Variants in ASB3 observed in about 807,000 individuals in gnomAD.
The protein encoded by ASB3 is ankyrin repeat and SOCS box containing 3.
In ASB3, 41 loss-of-function variants were observed where a neutral mutation model predicts 54.5. That is an observed-to-expected ratio of 0.75 (90% CI 0.59 to 0.98). The LOEUF (loss-of-function observed/expected upper bound fraction) is 0.98, where lower values mean the gene tolerates loss of function less well. Among genes scored for constraint, ASB3 ranks in the 50% least tolerant of loss-of-function variants. The pLI is 0.00. For missense variants in ASB3, 733 were observed against 620.0 expected (o/e 1.18, Z -1.94); for synonymous variants, 266 against 221.2 (o/e 1.20, Z -1.80).
At chr2:53,760,233 C>T (rs1673069020) in intron 2 of ASB3, among the ~76,000 whole-genome samples, 1 of 152,146 alleles carries the variant, frequency 6.6e-6, no homozygotes, top group Non-Finnish European at 1.5e-5. Flanking sequence ...GTATGCTTAC[C>T]TAACTCTCCA....
chr2:53,723,055 T>A (rs1240847690), intron 5 of ASB3, among the ~76,000 whole-genome samples: 1 of 152,000 alleles, frequency 6.6e-6, no homozygotes, highest in Non-Finnish European at 1.5e-5. Flanking sequence ...ATGTTCAAGC[T>A]GACAGCCAAA....
At chr2:53,723,208 G>A (rs189015127) in intron 5 of ASB3, among the ~76,000 whole-genome samples, 1 of 152,090 alleles carries the variant, frequency 6.6e-6, no homozygotes, top group Admixed American at 6.5e-5. Flanking sequence ...CAAACAAACG[G>A]AAAACGCTGC....
chr2:53,774,363 T>G, intron 1 of ASB3: 1 of 1,613,492 alleles, frequency 6.2e-7, no homozygotes, highest in Non-Finnish European at 8.5e-7. Flanking sequence ...CTGAACAAAT[T>G]TTTAATGCAG....
At chr2:53,741,050 T>C (rs543339539) in intron 3 of ASB3, among the ~76,000 whole-genome samples, 1 of 152,306 alleles carries the variant, frequency 6.6e-6, no homozygotes, top group African/African-American at 2.4e-5. Context: ...GTATTCTCCT[T>C]ACTAGATCCA....
chr2:53,765,984 A>T (rs775548394), intron 1 of ASB3, among the ~76,000 whole-genome samples: 3 of 152,114 alleles, frequency 2.0e-5, no homozygotes, highest in Non-Finnish European at 4.4e-5. Flanking sequence ...TGTACACTAC[A>T]TTATGCAGAG....
At chr2:53,764,866 CTTGTT>C (rs1673348658) in intron 2 of ASB3, among the ~76,000 whole-genome samples, 1 of 152,146 alleles carries the variant, frequency 6.6e-6, no homozygotes, top group South Asian at 2.1e-4. Context: ...TTTAAATTAT[CTTGTT>C]TAATTATTTA....
At chr2:53,671,125 C>A (rs1667788942) in intron 9 of ASB3, among the ~76,000 whole-genome samples, 1 of 152,148 alleles carries the variant, frequency 6.6e-6, no homozygotes, top group African/African-American at 2.4e-5. Flanking sequence ...TTATCCATAA[C>A]ATAAAATGAA....
At chr2:53,677,125 G>C (rs1668123103) in intron 9 of ASB3, among the ~76,000 whole-genome samples, 1 of 152,142 alleles carries the variant, frequency 6.6e-6, no homozygotes, top group South Asian at 2.1e-4. Flanking sequence ...ACTTACCAAT[G>C]TGTTACAACT....
chr2:53,712,598 T>A (rs1456829758), intron 7 of ASB3, among the ~76,000 whole-genome samples: 1 of 152,096 alleles, frequency 6.6e-6, no homozygotes, highest in Non-Finnish European at 1.5e-5. Context: ...TGTTTCAGAG[T>A]TAACAGGGGT....
chr2:53,680,164 T>C lies in ASB3; in HGVS notation c.1370-9474A>G, dbSNP rs149351810. Among the ~76,000 whole-genome samples, 1,392 of 152,366 alleles carry C rather than the reference T, an allele frequency of 9.1e-3. 7 individuals carry two copies. Among genetic ancestry groups the C allele is most frequent in the Middle Eastern group, 0.027 (8 of 294 alleles). ...TACCACTGATGGGCATTTAGGTTGA[T>C]TCCATGTCTTTGTTACTGTGAATAG... On this transcript the variant is annotated intron_variant, in intron 9 of 9. Coordinates refer to ENST00000263634, the MANE Select transcript of ASB3 (RefSeq NM_016115.5).
At chr2:53,781,527 C>A (rs946493621) in intron 1 of ASB3, among the ~76,000 whole-genome samples, 7 of 151,832 alleles carry the variant, frequency 4.6e-5, no homozygotes, top group Non-Finnish European at 1.0e-4. Flanking sequence ...CAGAGTTTCA[C>A]TCTTGTTGCC....
At chr2:53,767,609 T>C (rs555111439) in intron 1 of ASB3, 1 of 398,336 alleles carries the variant, frequency 2.5e-6, no homozygotes, top group Admixed American at 3.8e-5. Context: ...GCACTAAAGG[T>C]AGGTTAGGGT....
chr2:53,756,173 A>G (rs1044791718), intron 2 of ASB3, among the ~76,000 whole-genome samples: 3 of 152,024 alleles, frequency 2.0e-5, no homozygotes, highest in Admixed American at 1.3e-4. Context: ...CTCTTTAAAA[A>G]AATTTTTTTA....
chr2:53,761,575 G>A (rs1178646858), intron 2 of ASB3, among the ~76,000 whole-genome samples: 1 of 152,116 alleles, frequency 6.6e-6, no homozygotes, highest in African/African-American at 2.4e-5. Flanking sequence ...TCAGTCCTTT[G>A]GCCTCAGACT....
At position 53,701,182 on chromosome 2, in the gene ASB3, C is replaced by T. The variant is rs143419142; in HGVS notation, c.981-654G>A. Among the ~76,000 whole-genome samples the T allele has an allele frequency of 9.2e-3, 1,396 of 152,128 alleles. 25 individuals carry two copies. Among genetic ancestry groups the T allele is most frequent in the African/African-American group, 0.032 (1,323 of 41,486 alleles). On this transcript the variant is annotated intron_variant, in intron 7 of 9. Transcript: ENST00000263634. ...TAGAGACAGAGTCTCACTATGTTGC[C>T]CAGGCTGGTCTCAAACTCCTGGCCT...
chr2:53,776,755 G>C (rs551721620), intron 1 of ASB3, among the ~76,000 whole-genome samples: 1 of 152,104 alleles, frequency 6.6e-6, no homozygotes. Flanking sequence ...GGAGTTCGAG[G>C]CTGCAGTGAG....
chr2:53,745,355 T>A (rs2103983179), intron 3 of ASB3, among the ~76,000 whole-genome samples: 1 of 152,332 alleles, frequency 6.6e-6, no homozygotes, highest in South Asian at 2.1e-4. Context: ...AATATTCATG[T>A]AGAAAGATGA....
chr2:53,737,400 G>GT (rs1439041437), intron 3 of ASB3, among the ~76,000 whole-genome samples: 1 of 152,152 alleles, frequency 6.6e-6, no homozygotes, highest in Admixed American at 6.5e-5. Context: ...AAATCTGCAG[G>GT]TAAGGCCCTA....
At chr2:53,690,054 G>A (rs1358790896) in intron 9 of ASB3, among the ~76,000 whole-genome samples, 1 of 151,646 alleles carries the variant, frequency 6.6e-6, no homozygotes, top group Non-Finnish European at 1.5e-5. Context: ...CGGGTAACAT[G>A]GCGAAACCCT....
Sources: allele counts gnomAD v4.1 joint callset (sites outside exome capture counted in the v4.1 genomes callset), GRCh38; gene constraint gnomAD v4.1.1; transcripts MANE v1.5; gene names NCBI Gene and HGNC (gene_info 2026-07-23, HGNC 2026-07-21).